LRRC43: variants seen among roughly 807,000 people sequenced by gnomAD.
LRRC43 encodes leucine-rich repeat-containing protein 43.
A neutral mutation model predicts 64.3 loss-of-function variants in LRRC43; 62 were observed. The observed-to-expected ratio is 0.96, with a 90% CI of 0.79 to 1.19. The LOEUF (loss-of-function observed/expected upper bound fraction) is 1.19. Ranked by LOEUF, LRRC43 falls within the 50% of genes most tolerant of loss-of-function variation. The pLI, the probability that LRRC43 is intolerant of heterozygous loss-of-function variation, is 0.00. For synonymous variants in LRRC43, 422 were observed against 382.3 expected (o/e 1.10, Z -1.21); for missense variants, 868 against 845.0 (o/e 1.03, Z -0.34).
At chr12:122,173,921 G>A (rs763913368) in intron 1 of LRRC43, 2 of 1,614,124 alleles carry the variant, frequency 1.2e-6, no homozygotes, top group South Asian at 1.1e-5. Flanking sequence ...CGTAGTAAAC[G>A]GACGGGCAAC....
rs1953735209 is a variant in LRRC43, at chr12:122,192,940, G to A, written c.1285G>A (p.Ala429Thr). The change falls in exon 7 of 12, where the codon GCC (alanine) becomes ACC (threonine). Residue 429 changes from alanine to threonine, a missense_variant. Ala to Thr is a moderately conservative substitution (Grantham distance 58, BLOSUM62 0). Transcript: ENST00000339777. The part of the protein sequence containing the change: ...GPSTILQMPR[A>T]SAEELAKLRL... ...TTCGACCATCTTGCAGATGCCGAGG[G>A]CCTCTGCAGAAGAGCTGGCCAAGTT... 2 of 1,613,954 alleles carry A rather than the reference G, an allele frequency of 1.2e-6. No individual in the cohort carries two copies. The highest frequency in any genetic ancestry group is 1.7e-6 in the Non-Finnish European group (2 of 1,180,020).
At chr12:122,201,176 A>G in intron 10 of LRRC43, 120 bp from the exon 11 acceptor site, 2 of 1,137,640 alleles carry the variant, frequency 1.8e-6, no homozygotes, top group East Asian at 4.7e-5. Context: ...CACCCTCACC[A>G]GGAGACCCCC....
At chr12:122,182,745 A>G (rs1369463093), upstream of LRRC43, among the ~76,000 whole-genome samples, 1 of 152,038 alleles carries the variant, frequency 6.6e-6, no homozygotes, top group East Asian at 1.9e-4. Context: ...GTGATTAAAC[A>G]GTTATACAGG....
upstream of LRRC43, among the ~76,000 whole-genome samples, chr12:122,181,550 A>G (rs189142020): frequency 2.7e-3 from 409 of 151,872 alleles, 4 homozygotes; most frequent in Non-Finnish European, 4.9e-3. Context: ...CTCAAAAAAA[A>G]AAAAAGGAAA....
At chr12:122,199,937 A>G (rs540281330) in intron 7 of LRRC43, among the ~76,000 whole-genome samples, 96 of 152,146 alleles carry the variant, frequency 6.3e-4, no homozygotes, top group African/African-American at 2.0e-3. Context: ...GGTTTCTTTC[A>G]GTTGCTCAGG....
chr12:122,187,717 G>A lies in LRRC43; in HGVS notation c.539G>A (p.Gly180Asp). Residue 180 changes from glycine (G) to aspartate (D), a missense_variant, in exon 4 of 12, where the codon GGC becomes GAC. Transcript: ENST00000339777. ...GTCTCCCAGGTGCTGGAGCTCTACGGCAATGAGATCAGCAGCATGGAGTGT... is the reference window on the plus strand; with the variant it reads ...GTCTCCCAGGTGCTGGAGCTCTACGACAATGAGATCAGCAGCATGGAGTGT... ...PPTLKVLELY[G>D]NEISSMECLC... The A allele has an allele frequency of 6.2e-7, 1 of 1,613,704 alleles. No homozygotes were observed. Among genetic ancestry groups the A allele is most frequent in the Non-Finnish European group, 8.5e-7 (1 of 1,180,026 alleles).
chr12:122,201,426 T>C (rs1023878880), intron 11 of LRRC43, 97 bp downstream of exon 11: 22 of 1,074,692 alleles, frequency 2.0e-5, no homozygotes, highest in East Asian at 1.4e-4. Context: ...GGGTGGGGAA[T>C]GGTAGCTTCT....
rs1385019325 is a variant in LRRC43, at chr12:122,172,744, G to A, written c.-406+4962G>A. The stretch of plus-strand genomic sequence containing the variant: ...AGCACGCCCTTCTCTTCCTCCACCT[G>A]TGGAATGAGGAGAAATGGTCAGTGT... On this transcript the variant is annotated intron_variant, in intron 1 of 5. Coordinates refer to the LRRC43 transcript ENST00000537729. 3.1e-6 allele frequency: 5 copies of A among 1,599,266 alleles called. No homozygotes were observed. In the South Asian group the frequency reaches 5.6e-5, roughly 18 times the overall value.
In LRRC43 at chr12:122,200,872, T is replaced by A; in HGVS notation, c.1747T>A (p.Ser583Thr). ...CCTGCTCGCCGGGGAGCCCCTGGTG[T>A]CCACCGTGTGCAACTTCGGCGTGGT... The part of the protein sequence containing the change: ...EPLLAGEPLV[S>T]TVCNFGVVRT... Residue 583 changes from serine to threonine, a missense_variant, in exon 10 of 12, where the codon TCC (serine) becomes ACC (threonine). Physicochemically the swap from Ser to Thr is moderately conservative, Grantham distance 58. Transcript: ENST00000339777. The surrounding 1 kb of genome is among the most constrained non-coding windows in gnomAD (Gnocchi z 4.6). The A allele has an allele frequency of 6.2e-7, 1 of 1,612,968 alleles. No individual in the cohort carries two copies. The highest frequency in any genetic ancestry group is 8.5e-7 in the Non-Finnish European group (1 of 1,179,828).
At position 122,200,594 on chromosome 12, in the gene LRRC43, G is replaced by C; in HGVS notation, c.1554G>C (p.Lys518Asn). 1.9e-6 allele frequency: 3 copies of C among 1,606,532 alleles called. No individual in the cohort carries two copies. Among genetic ancestry groups the C allele is most frequent in the Non-Finnish European group, 2.6e-6 (3 of 1,174,728 alleles). The stretch of plus-strand genomic sequence containing the variant: ...GTCCCCTGTCTGCCAAGAAAGGAAA[G>C]GGGGAGAAAGACAAGAAAGGGAAGG... ...VDSPLSAKKG[K>N]GEKDKKGKEK... Residue 518 changes from lysine (K) to asparagine (N), a missense_variant, in exon 9 of 12, where the codon AAG (lysine) becomes AAC (asparagine). By Grantham distance (94) the Lys-to-Asn change is moderately conservative. Transcript: ENST00000339777. The surrounding 1 kb of genome is among the most constrained non-coding windows in gnomAD (Gnocchi z 4.6).
Position 122,187,908 on chromosome 12 carries a change from C to T in LRRC43, c.662+68C>T. On this transcript the variant is annotated intron_variant, in intron 4 of 11. Coordinates refer to ENST00000339777, the MANE Select transcript of LRRC43 (RefSeq NM_001098519.2). Reference sequence around the variant, plus strand: ...GTATCAGGTTGGGGCGATTCTACCCCAGTGGCTTGAGAACTCAGCTTTGGT... The same window carrying T: ...GTATCAGGTTGGGGCGATTCTACCCTAGTGGCTTGAGAACTCAGCTTTGGT... The T allele has an allele frequency of 1.9e-6, 3 of 1,538,558 alleles. No homozygotes were observed. The South Asian group carries it at 3.4e-5, about 17-fold the overall frequency.
Position 122,201,289 on chromosome 12 carries a change from C to T in LRRC43, c.1810-7C>T. ...TAAGCATCTCGTTTTGTGGTTCTTTCTCTCAGGATTCAAAGAAGATTAAGA... is the reference window on the plus strand; with the variant it reads ...TAAGCATCTCGTTTTGTGGTTCTTTTTCTCAGGATTCAAAGAAGATTAAGA... On this transcript the variant is annotated splice_region_variant and splice_polypyrimidine_tract_variant and intron_variant, in intron 10 of 11. Transcript: ENST00000339777. 6.2e-7 allele frequency: 1 copy of T among 1,613,988 alleles called. No homozygotes were observed. Among genetic ancestry groups the T allele is most frequent in the Non-Finnish European group, 8.5e-7 (1 of 1,179,884 alleles).
chr12:122,174,567 G>C (rs1163616236), intron 1 of LRRC43, among the ~76,000 whole-genome samples: 1 of 152,220 alleles, frequency 6.6e-6, no homozygotes, highest in African/African-American at 2.4e-5. Context: ...AGGAGTTCAA[G>C]GCCAGCGGCC....
chr12:122,200,907 G>A lies in LRRC43; in HGVS notation c.1782G>A (p.Leu594=). 6.2e-7 allele frequency: 1 copy of A among 1,608,452 alleles called. No homozygotes were observed. Among genetic ancestry groups the A allele is most frequent in the Non-Finnish European group, 8.5e-7 (1 of 1,177,556 alleles). Residue 594 remains leucine, a synonymous_variant, in exon 10 of 12, where the codon TTG becomes TTA. Transcript: ENST00000339777. The surrounding 1 kb of genome is among the most constrained non-coding windows in gnomAD (Gnocchi z 4.6). The part of the protein sequence containing the change: ...TVCNFGVVRT[L]TSDRLTLARD... ...GCAACTTCGGCGTGGTCCGCACATTGACATCTGACAGGCTGACGTTGGCCA... is the reference window on the plus strand; with the variant it reads ...GCAACTTCGGCGTGGTCCGCACATTAACATCTGACAGGCTGACGTTGGCCA...
intron 2 of LRRC43, 63 bp from the exon 3 acceptor site, chr12:122,186,127 A>G (rs1241729428): frequency 1.3e-5 from 11 of 873,184 alleles, no homozygotes; most frequent in Non-Finnish European, 2.1e-5. Context: ...TAATGTGGAC[A>G]TGGGTTCTGT....
intron 1 of LRRC43, among the ~76,000 whole-genome samples, chr12:122,171,252 G>C (rs1953482964): frequency 6.6e-6 from 1 of 152,210 alleles, no homozygotes; most frequent in African/African-American, 2.4e-5. Context: ...CTGGAAACTG[G>C]GCTCCACCCC....
At chr12:122,195,290 C>T (rs1445357341) in intron 7 of LRRC43, among the ~76,000 whole-genome samples, 2 of 151,800 alleles carry the variant, frequency 1.3e-5, no homozygotes, top group Non-Finnish European at 2.9e-5. Flanking sequence ...GCCCTGTTGC[C>T]CAGGGTGGAG....
chr12:122,196,251 A>C (rs1953771846), intron 7 of LRRC43, among the ~76,000 whole-genome samples: 1 of 152,242 alleles, frequency 6.6e-6, no homozygotes, highest in Admixed American at 6.5e-5. Flanking sequence ...TTGATTTTCT[A>C]AACATACATT....
At chr12:122,190,781 T>C (rs986430192) in intron 5 of LRRC43, among the ~76,000 whole-genome samples, 1 of 151,724 alleles carries the variant, frequency 6.6e-6, no homozygotes, top group African/African-American at 2.4e-5. Flanking sequence ...GAGAATCTTT[T>C]GAACCCGGGA....
Sources: allele counts gnomAD v4.1 joint callset (sites outside exome capture counted in the v4.1 genomes callset), GRCh38; gene constraint gnomAD v4.1.1; non-coding constraint Gnocchi (gnomAD v3.1); transcripts MANE v1.5; gene names NCBI Gene and HGNC (gene_info 2026-07-23, HGNC 2026-07-21).